The following ACVR1 variants were observed in gnomAD, a reference collection of about 807,000 sequenced individuals.
ACVR1 encodes the protein activin receptor type-1.
A neutral mutation model predicts 57.1 loss-of-function variants in ACVR1; 38 were observed. The ratio of observed to expected loss-of-function variants is 0.67; its 90% CI spans 0.51 to 0.87. The LOEUF is 0.87. Ranked by LOEUF, ACVR1 falls within the 40% of genes least tolerant of loss-of-function variation. ACVR1 has a pLI of 0.00. For missense variants in ACVR1, 463 were observed against 638.2 expected, an observed-to-expected ratio of 0.73 and a Z score of 2.96; for synonymous variants, 212 against 228.1, an observed-to-expected ratio of 0.93 and a Z score of 0.63.
At chr2:157,819,600 GA>G in intron 1 of ACVR1, 2 of 151,796 alleles carry the variant, frequency 1.3e-5, no homozygotes, top group Non-Finnish European at 2.9e-5. Context: ...CAGTATACCA[GA>G]GTAACCAATT....
At chr2:157,758,776 C>T (rs1685526711) in intron 9 of ACVR1, among the ~76,000 whole-genome samples, 1 of 151,840 alleles carries the variant, frequency 6.6e-6, no homozygotes, top group African/African-American at 2.4e-5. Context: ...ATGAATAGAC[C>T]ATATGTTAGG....
At chr2:157,801,270 A>G (rs1687317197) in intron 2 of ACVR1, among the ~76,000 whole-genome samples, 2 of 152,164 alleles carry the variant, frequency 1.3e-5, no homozygotes, top group African/African-American at 4.8e-5. Context: ...CGTGGACATG[A>G]TTTATTTACA....
chr2:157,813,612 T>A (rs1045662675), intron 2 of ACVR1, among the ~76,000 whole-genome samples: 2 of 152,174 alleles, frequency 1.3e-5, no homozygotes, highest in Admixed American at 1.3e-4. Flanking sequence ...GCAACTCAGA[T>A]ATGACCATGC....
intron 2 of ACVR1, among the ~76,000 whole-genome samples, chr2:157,800,015 G>A (rs1009045632): frequency 6.6e-6 from 1 of 152,090 alleles, no homozygotes; most frequent in Non-Finnish European, 1.5e-5. Context: ...CAGACCTACA[G>A]CAAAAACAAA....
chr2:157,812,526 CT>C (rs1032885146), intron 2 of ACVR1, among the ~76,000 whole-genome samples: 7 of 152,056 alleles, frequency 4.6e-5, no homozygotes, highest in Admixed American at 3.9e-4. Flanking sequence ...ATTAACTAAA[CT>C]ATGTATGCTT....
intron 3 of ACVR1, among the ~76,000 whole-genome samples, chr2:157,798,136 G>T (rs1349472398): frequency 6.6e-6 from 1 of 152,066 alleles, no homozygotes; most frequent in South Asian, 2.1e-4. Context: ...CTATCCCACC[G>T]AGCATTCATT....
At chr2:157,752,207 TAATC>T (rs1398837194) in intron 9 of ACVR1, among the ~76,000 whole-genome samples, 1 of 152,072 alleles carries the variant, frequency 6.6e-6, no homozygotes, top group Non-Finnish European at 1.5e-5. Context: ...AGAGAAATAA[TAATC>T]ACTACAGTTT....
intron 5 of ACVR1, among the ~76,000 whole-genome samples, chr2:157,776,530 C>T (rs1686294355): frequency 6.6e-6 from 1 of 152,184 alleles, no homozygotes; most frequent in African/African-American, 2.4e-5. Context: ...TTCTCTTTCC[C>T]CAGTTCCACT....
chr2:157,744,562 G>C (rs1684891586), intron 9 of ACVR1, among the ~76,000 whole-genome samples: 1 of 152,174 alleles, frequency 6.6e-6, no homozygotes, highest in South Asian at 2.1e-4. Flanking sequence ...CAATTTGAAG[G>C]AAAAGATTCT....
At chr2:157,798,177 A>G (rs557917302) in intron 3 of ACVR1, among the ~76,000 whole-genome samples, 2 of 152,092 alleles carry the variant, frequency 1.3e-5, no homozygotes, top group Non-Finnish European at 2.9e-5. Context: ...AATTGAAACC[A>G]GCACCTAACC....
intron 6 of ACVR1, 50 bp from the exon 7 acceptor site, chr2:157,770,564 C>A (rs1424638084): frequency 6.3e-7 from 1 of 1,590,292 alleles, no homozygotes; most frequent in South Asian, 1.1e-5. Context: ...ATTTTGGAGG[C>A]AGCCAGCCCA....
chr2:157,787,991 GC>G lies in ACVR1; in HGVS notation c.68-7392del, dbSNP rs1016763541. On this transcript the variant is annotated intron_variant, in intron 3 of 10. Coordinates refer to ENST00000434821, the MANE Select transcript of ACVR1 (RefSeq NM_001111067.4). ...AGCGAGCCTCCACCACACCCCTACA[GC>G]CTTTCTGGAAGCTTTCAAACTACAG... Among the ~76,000 whole-genome samples, 12 of 152,262 alleles carry G rather than the reference GC, an allele frequency of 7.9e-5. 1 individual carries two copies. The highest frequency in any genetic ancestry group is 7.2e-4 in the Admixed American group (11 of 15,290).
At chr2:157,816,451 G>C (rs1687939001) in intron 2 of ACVR1, among the ~76,000 whole-genome samples, 1 of 150,204 alleles carries the variant, frequency 6.7e-6, no homozygotes, top group Non-Finnish European at 1.5e-5. Context: ...AAAAAAAATA[G>C]CCAGGCGTGG....
intron 3 of ACVR1, among the ~76,000 whole-genome samples, chr2:157,793,087 T>C (rs150314954): frequency 4.9e-4 from 74 of 152,354 alleles, no homozygotes; most frequent in African/African-American, 1.7e-3. Flanking sequence ...AAGTGGCATA[T>C]ATGACATGCC....
At chr2:157,872,344 G>A (rs139369623) in intron 1 of ACVR1, among the ~76,000 whole-genome samples, 41 of 152,246 alleles carry the variant, frequency 2.7e-4, no homozygotes, top group Non-Finnish European at 4.7e-4. Context: ...GCTCTGAATG[G>A]TCACACCTTA....
At chr2:157,783,784 T>C (rs1487503752) in intron 3 of ACVR1, among the ~76,000 whole-genome samples, 1 of 152,220 alleles carries the variant, frequency 6.6e-6, no homozygotes, top group Admixed American at 6.5e-5. Flanking sequence ...CCTCATCCAC[T>C]GTTCAATCTT....
intron 3 of ACVR1, among the ~76,000 whole-genome samples, chr2:157,795,614 T>C (rs1687082022): frequency 6.6e-6 from 1 of 152,190 alleles, no homozygotes; most frequent in African/African-American, 2.4e-5. Flanking sequence ...GTATATTAAA[T>C]AGCAAAACCT....
rs1432751539 is a variant in ACVR1, at chr2:157,770,278, C to T, written c.790+90G>A. 16 of 1,470,710 alleles carry T rather than the reference C, an allele frequency of 1.1e-5. No homozygotes were observed. In the Admixed American group the frequency reaches 1.3e-4, roughly 12 times the overall value. 91.1% of individuals were successfully genotyped at this position (1,470,710 alleles called of 1,614,324 possible). Reference sequence around the variant, plus strand: ...TATATTGCTTTTTAGGAGACACTCTCGAATTCACATTCACCAAAACGGAGA... The same window carrying T: ...TATATTGCTTTTTAGGAGACACTCTTGAATTCACATTCACCAAAACGGAGA... On this transcript the variant is annotated intron_variant, in intron 7 of 10. Transcript: ENST00000434821.
At chr2:157,855,053 A>G (rs1285653137) in intron 1 of ACVR1, among the ~76,000 whole-genome samples, 1 of 151,848 alleles carries the variant, frequency 6.6e-6, no homozygotes, top group African/African-American at 2.4e-5. Flanking sequence ...TAAAATAAGT[A>G]TATAAGACAA....
Sources: allele counts gnomAD v4.1 joint callset (sites outside exome capture counted in the v4.1 genomes callset), GRCh38; gene constraint gnomAD v4.1.1; transcripts MANE v1.5; gene names NCBI Gene and HGNC (gene_info 2026-07-23, HGNC 2026-07-21).